The following DENND5A variants were observed in gnomAD, a reference collection of about 807,000 sequenced individuals.
DENND5A encodes the protein DENN domain-containing protein 5A.
DENND5A carries 64 observed loss-of-function variants against 140.3 expected under a neutral mutation model. The observed-to-expected ratio is 0.46, with a 90% CI of 0.37 to 0.56. The LOEUF is 0.56. DENND5A is among the 20% of genes least tolerant of loss of function. DENND5A has a pLI of 0.00. For synonymous variants in DENND5A, 605 were observed against 607.7 expected (o/e 1.00, Z 0.07); for missense variants, 1,292 against 1,593.8 (o/e 0.81, Z 3.22).
rs776203467 is a variant in DENND5A, at chr11:9,204,014, C to T, written c.595G>A (p.Asp199Asn). 1 of 1,614,116 alleles carries T rather than the reference C, an allele frequency of 6.2e-7. No individual in the cohort carries two copies. Among genetic ancestry groups the T allele is most frequent in the Admixed American group, 1.7e-5 (1 of 60,006 alleles). ...QRFNSYDISRDTLYVSKCICL... is the reference protein window; with the variant it reads ...QRFNSYDISRNTLYVSKCICL... ...ATGCACTTAGAGACGTAGAGAGTGT[C>T]CCGGCTAATGTCATAGGAGTTGAAG... Residue 199 changes from aspartate to asparagine, a missense_variant, in exon 4 of 23, where the codon GAC (aspartate) becomes AAC (asparagine). Asp to Asn is a conservative substitution (Grantham distance 23). Around this residue, in one of 4 missense-constraint regions of DENND5A, gnomAD observed 566 missense variants for 650.4 expected, o/e 0.87. Coordinates refer to ENST00000328194, the MANE Select transcript of DENND5A (RefSeq NM_015213.4).
chr11:9,165,092 C>T (rs905821560), intron 11 of DENND5A, among the ~76,000 whole-genome samples: 2 of 152,110 alleles, frequency 1.3e-5, no homozygotes, highest in African/African-American at 4.8e-5. Context: ...CTCCGCCTCC[C>T]GGGTTCAAGA....
chr11:9,215,810 A>G (rs1188733253), intron 1 of DENND5A, among the ~76,000 whole-genome samples: 2 of 152,128 alleles, frequency 1.3e-5, no homozygotes, highest in Non-Finnish European at 2.9e-5. Context: ...TCAGCCTCCC[A>G]AAGTGCTGGG....
At chr11:9,217,777 A>G (rs1255137159) in intron 1 of DENND5A, among the ~76,000 whole-genome samples, 1 of 152,242 alleles carries the variant, frequency 6.6e-6, no homozygotes, top group Non-Finnish European at 1.5e-5. Context: ...TTAAAAAATA[A>G]AAGGACAAAC....
chr11:9,244,603 G>C (rs542425835), intron 1 of DENND5A, among the ~76,000 whole-genome samples: 1 of 151,940 alleles, frequency 6.6e-6, no homozygotes, highest in African/African-American at 2.4e-5. Flanking sequence ...TCCTGACCTC[G>C]GGTGATCCGC....
chr11:9,207,187 A>G, intron 2 of DENND5A: 1 of 468,002 alleles, frequency 2.1e-6, no homozygotes, highest in South Asian at 1.8e-5. Context: ...AATTCAGAAT[A>G]AACTATGCAT....
Position 9,178,340 on chromosome 11 carries a change from C to T in DENND5A, c.1698G>A (p.Glu566=). 6.2e-7 allele frequency: 1 copy of T among 1,613,688 alleles called. No individual in the cohort carries two copies. The highest frequency in any genetic ancestry group is 8.5e-7 in the Non-Finnish European group (1 of 1,179,714). ...ATCTTGAGAGGAAGGGCAGGTAGGG[C>T]TCAGGCTGATCTGACAGAAAAGATG... ...DKASFLSDQP[E]PYLPFLSRFL... Residue 566 remains glutamate (E), a synonymous_variant, in exon 8 of 23, where the codon GAG becomes GAA. Coordinates refer to ENST00000328194, the MANE Select transcript of DENND5A (RefSeq NM_015213.4).
intron 1 of DENND5A, among the ~76,000 whole-genome samples, chr11:9,227,609 T>G (rs1233652711): frequency 1.3e-5 from 2 of 152,060 alleles, no homozygotes; most frequent in African/African-American, 4.8e-5. Flanking sequence ...ACTCAAATAT[T>G]AGTTCCATGT....
chr11:9,142,829 A>G lies in DENND5A; in HGVS notation c.3404T>C (p.Leu1135Pro). 1.2e-6 allele frequency: 2 copies of G among 1,614,176 alleles called. No homozygotes were observed. The highest frequency in any genetic ancestry group is 2.7e-5 in the African/African-American group (2 of 75,062). ...KPEKERGSLTLLLCGECGLVS... is the reference protein window; with the variant it reads ...KPEKERGSLTPLLCGECGLVS... ...AAGGCCACACTCTCCACAGAGCAAC[A>G]GCGTCAGACTGCCTCGCTACGTAAG... is the stretch of plus-strand genomic sequence containing the variant. Residue 1135 changes from leucine (L) to proline (P), a missense_variant, in exon 21 of 23, where the codon CTG becomes CCG. Leu to Pro is a moderately conservative substitution (Grantham distance 98). Transcript: ENST00000328194.
rs372389104 is a variant in DENND5A, at chr11:9,145,049, T to C, written c.3068A>G (p.Lys1023Arg). The change falls in exon 18 of 23, where the codon AAA (lysine) becomes AGA (arginine). Residue 1023 changes from lysine to arginine, a missense_variant. Physicochemically the swap from Lys to Arg is conservative, Grantham distance 26. Around this residue, in one of 4 missense-constraint regions of DENND5A, gnomAD observed 498 missense variants for 689.7 expected, o/e 0.72. Transcript: ENST00000328194. ...IGHDNSGLYA[K>R]WLVEYVMVRN... ...GACCATCACATACTCCACCAGCCAT[T>C]TGGCATACAGCCCAGAGTTATCATG... 1.1e-5 allele frequency: 17 copies of C among 1,614,130 alleles called. No individual in the cohort carries two copies. The African/African-American group carries it at 1.3e-4, about 13-fold the overall frequency.
In DENND5A at chr11:9,252,721, C is replaced by T. The variant is rs373322557; in HGVS notation, c.109+12240G>A. On this transcript the variant is annotated intron_variant, in intron 1 of 22. Transcript: ENST00000328194. ...AAAGGCAAGCCTCTTTCTCACTGGA[C>T]ATTAGGCCATCTCTAGCAGGAACCT... Among the ~76,000 whole-genome samples, 4 of 152,212 alleles carry T rather than the reference C, an allele frequency of 2.6e-5. No individual in the cohort carries two copies. In the East Asian group the frequency reaches 7.7e-4, roughly 29 times the overall value.
rs1050152874 is a variant in DENND5A at position 9,169,879 on chromosome 11, G to A, written c.2128C>T (p.Arg710Cys). 7 of 1,612,290 alleles carry A rather than the reference G, an allele frequency of 4.3e-6. No homozygotes were observed. In the Admixed American group the frequency reaches 6.7e-5, roughly 15 times the overall value. Residue 710 changes from arginine (R) to cysteine (C), a missense_variant, in exon 10 of 23, where the codon CGT (arginine) becomes TGT (cysteine). Arg to Cys is a radical substitution (Grantham distance 180). Around this residue, in one of 4 missense-constraint regions of DENND5A, gnomAD observed 199 missense variants for 189.1 expected, o/e 1.05. Transcript: ENST00000328194. The part of the protein sequence containing the change: ...DRQKQHTEHL[R>C]LDNDQREKYI... ...ACCTCCCTCTGGTCATTATCTAAAC[G>A]CAGGTGTTCTGTGTGCTGCTTCTGC...
intron 1 of DENND5A, among the ~76,000 whole-genome samples, chr11:9,233,906 A>AGT (rs1850883370): frequency 6.6e-6 from 1 of 152,150 alleles, no homozygotes; most frequent in African/African-American, 2.4e-5. Context: ...GGCTGGGTGC[A>AGT]GTGGCTCAGG....
chr11:9,239,940 T>C (rs1046972923), intron 1 of DENND5A, among the ~76,000 whole-genome samples: 1 of 152,240 alleles, frequency 6.6e-6, no homozygotes, highest in Non-Finnish European at 1.5e-5. Flanking sequence ...ACATATTAAG[T>C]GATTATTAAA....
intron 17 of DENND5A, 57 bp from the exon 18 acceptor site, chr11:9,145,170 G>C: frequency 7.8e-7 from 1 of 1,277,402 alleles, no homozygotes; most frequent in Middle Eastern, 1.9e-4. Flanking sequence ...AAGAACAGTA[G>C]TTCTCGGAGG....
At chr11:9,142,223 A>C in intron 21 of DENND5A, 115 bp from the exon 22 acceptor site, 1 of 758,652 alleles carries the variant, frequency 1.3e-6, no homozygotes, top group Middle Eastern at 2.8e-4. Context: ...TAATGAGAAT[A>C]GCACAAGTGT....
chr11:9,150,246 A>G (rs1240430384), intron 14 of DENND5A, 37 bp from the exon 15 acceptor site: 1 of 1,607,478 alleles, frequency 6.2e-7, no homozygotes, highest in Non-Finnish European at 8.5e-7. Context: ...GGAGGGTGGG[A>G]TGGGAGATGA....
Position 9,178,167 on chromosome 11 carries a change from G to T in DENND5A, c.1871C>A (p.Ser624Tyr). ...LNVRTPTLRT[S>Y]MYQKCTTVDE... ...CACAGTGGTACACTTCTGGTACATGGATGTACGGAGAGTAGGTGTCCGAAC... is the reference window on the plus strand; with the variant it reads ...CACAGTGGTACACTTCTGGTACATGTATGTACGGAGAGTAGGTGTCCGAAC... Residue 624 changes from serine to tyrosine, a missense_variant, in exon 8 of 23, where the codon TCC becomes TAC. Ser to Tyr is a moderately radical substitution (Grantham distance 144). Transcript: ENST00000328194. 1.2e-6 allele frequency: 2 copies of T among 1,613,760 alleles called. No homozygotes were observed. Among genetic ancestry groups the T allele is most frequent in the Non-Finnish European group, 1.7e-6 (2 of 1,179,640 alleles).
intron 10 of DENND5A, among the ~76,000 whole-genome samples, chr11:9,168,353 C>A (rs1848259783): frequency 6.6e-6 from 1 of 152,168 alleles, no homozygotes; most frequent in Non-Finnish European, 1.5e-5. Context: ...CCACTGCCAT[C>A]CACGTTAAGA....
At chr11:9,176,299 G>C (rs543768767) in intron 8 of DENND5A, among the ~76,000 whole-genome samples, 1 of 152,346 alleles carries the variant, frequency 6.6e-6, no homozygotes, top group South Asian at 2.1e-4. Flanking sequence ...AATATTTCTT[G>C]AAGACTTGCC....
Sources: allele counts gnomAD v4.1 joint callset (sites outside exome capture counted in the v4.1 genomes callset), GRCh38; gene constraint gnomAD v4.1.1; regional missense constraint gnomAD v4.1.1; transcripts MANE v1.5; gene names NCBI Gene and HGNC (gene_info 2026-07-23, HGNC 2026-07-21).